ATP10B: variants seen among roughly 807,000 people sequenced by gnomAD.
The protein encoded by ATP10B is ATPase phospholipid transporting 10B (putative), also known as phospholipid-transporting ATPase VB.
A neutral mutation model predicts 141.2 loss-of-function variants in ATP10B; 122 were observed. The observed-to-expected ratio is 0.86, with a 90% CI of 0.75 to 1.00. The LOEUF is 1.00. Ranked by LOEUF, ATP10B falls within the 50% of genes least tolerant of loss-of-function variation. The pLI is 0.00. For missense variants in ATP10B, 1,876 were observed against 1,825.3 expected, an observed-to-expected ratio of 1.03 and a Z score of -0.51; for synonymous variants, 685 against 692.0, an observed-to-expected ratio of 0.99 and a Z score of 0.16.
At chr5:160,748,309 G>A (rs953947278) in intron 2 of ATP10B, among the ~76,000 whole-genome samples, 4 of 152,222 alleles carry the variant, frequency 2.6e-5, no homozygotes, top group East Asian at 1.9e-4. Flanking sequence ...TTAGACAGGC[G>A]GTATGCTCCC....
chr5:160,604,417 G>A (rs551371068), intron 19 of ATP10B, among the ~76,000 whole-genome samples: 1 of 152,166 alleles, frequency 6.6e-6, no homozygotes, highest in South Asian at 2.1e-4. Flanking sequence ...ACTTGGCAAG[G>A]GTAATTCCAC....
intron 6 of ATP10B, among the ~76,000 whole-genome samples, chr5:160,675,865 AG>A (rs1404637095): frequency 1.1e-3 from 15 of 13,770 alleles, no homozygotes; most frequent in East Asian, 6.1e-3. Flanking sequence ...CCAGAGAAGC[AG>A]GGGGGTGGGG....
intron 6 of ATP10B, among the ~76,000 whole-genome samples, chr5:160,681,355 T>C (rs1382683921): frequency 1.3e-5 from 2 of 152,256 alleles, no homozygotes; most frequent in African/African-American, 4.8e-5. Context: ...CTGAGGTCTA[T>C]ATGTTTAAAT....
chr5:160,726,630 CAG>C (rs398093845), intron 2 of ATP10B, among the ~76,000 whole-genome samples: 32,613 of 133,552 alleles, frequency 0.24, 4,653 homozygotes, highest in East Asian at 0.7. Flanking sequence ...AAAAGGGAAA[CAG>C]AGAGAGCAAG....
At chr5:160,727,603 T>C (rs910683760) in intron 2 of ATP10B, among the ~76,000 whole-genome samples, 1 of 152,096 alleles carries the variant, frequency 6.6e-6, no homozygotes, top group Non-Finnish European at 1.5e-5. Flanking sequence ...TTTAACAATG[T>C]TTTTTTAGGG....
At chr5:160,740,927 T>C (rs1168069073) in intron 2 of ATP10B, among the ~76,000 whole-genome samples, 1 of 152,200 alleles carries the variant, frequency 6.6e-6, no homozygotes, top group African/African-American at 2.4e-5. Flanking sequence ...TTAACTTGGC[T>C]CCCATCTCAA....
chr5:160,581,944 T>A (rs1376747023), intron 24 of ATP10B, among the ~76,000 whole-genome samples: 3 of 152,230 alleles, frequency 2.0e-5, no homozygotes, highest in African/African-American at 7.2e-5. Flanking sequence ...GTTTAAAGTC[T>A]GTTTTATCAG....
At chr5:160,730,126 C>A (rs1265124630) in intron 2 of ATP10B, among the ~76,000 whole-genome samples, 2 of 151,870 alleles carry the variant, frequency 1.3e-5, no homozygotes, top group African/African-American at 4.8e-5. Context: ...AGGCACTATG[C>A]ACGATGATTT....
the ATP10B span, among the ~76,000 whole-genome samples, chr5:160,927,175 CA>C: frequency 6.6e-6 from 1 of 152,146 alleles, no homozygotes; most frequent in South Asian, 2.1e-4. Flanking sequence ...GGCCTCTTCC[CA>C]TCTTAAAAAT....
At chr5:160,608,769 A>G (rs1393520138) in intron 18 of ATP10B, among the ~76,000 whole-genome samples, 1 of 151,894 alleles carries the variant, frequency 6.6e-6, no homozygotes, top group African/African-American at 2.4e-5. Context: ...CCACTTTTTG[A>G]TGGGGTTGTT....
chr5:160,669,355 T>A (rs181443147), intron 7 of ATP10B, among the ~76,000 whole-genome samples: 26 of 152,296 alleles, frequency 1.7e-4, no homozygotes, highest in Admixed American at 1.5e-3. Context: ...ACTATTTTTG[T>A]CCCCATTTTC....
At chr5:160,837,996 C>T (rs1775564780) in intron 1 of ATP10B, among the ~76,000 whole-genome samples, 1 of 152,156 alleles carries the variant, frequency 6.6e-6, no homozygotes, top group Non-Finnish European at 1.5e-5. Context: ...ATTAGGCAAT[C>T]TCTTACTCAT....
intron 2 of ATP10B, among the ~76,000 whole-genome samples, chr5:160,747,216 C>A (rs1390835360): frequency 6.6e-6 from 1 of 152,146 alleles, no homozygotes; most frequent in East Asian, 1.9e-4. Flanking sequence ...TTTTCTTATT[C>A]TAGAACCTAT....
At chr5:160,826,788 A>G (rs183963290) in intron 1 of ATP10B, among the ~76,000 whole-genome samples, 1 of 152,126 alleles carries the variant, frequency 6.6e-6, no homozygotes. Context: ...CCGCTCTAGG[A>G]GTGTCTGTCT....
intron 1 of ATP10B, among the ~76,000 whole-genome samples, chr5:160,827,791 C>T (rs1436695765): frequency 6.6e-6 from 1 of 152,138 alleles, no homozygotes; most frequent in East Asian, 1.9e-4. Context: ...CTGCATATGG[C>T]TAGCCAGTTA....
At chr5:160,837,462 T>A (rs888866650) in intron 1 of ATP10B, among the ~76,000 whole-genome samples, 1 of 152,172 alleles carries the variant, frequency 6.6e-6, no homozygotes, top group Non-Finnish European at 1.5e-5. Flanking sequence ...CATGTTAGTA[T>A]TTTTCTTCCT....
At chr5:160,808,374 G>T (rs1177858118) in intron 1 of ATP10B, among the ~76,000 whole-genome samples, 1 of 152,186 alleles carries the variant, frequency 6.6e-6, no homozygotes, top group Non-Finnish European at 1.5e-5. Context: ...AGCATGGCAA[G>T]TTGTCTCTGA....
At chr5:160,776,303 TC>T (rs1770306984) in intron 2 of ATP10B, among the ~76,000 whole-genome samples, 1 of 152,230 alleles carries the variant, frequency 6.6e-6, no homozygotes, top group Non-Finnish European at 1.5e-5. Flanking sequence ...CTACTTTTGG[TC>T]TTGGGCAAGT....
At chr5:160,798,833 C>G (rs1244457481) in intron 1 of ATP10B, among the ~76,000 whole-genome samples, 1 of 150,294 alleles carries the variant, frequency 6.7e-6, no homozygotes, top group Non-Finnish European at 1.5e-5. Flanking sequence ...TCACTGCAAC[C>G]TCTGCCTCCC....
Sources: allele counts gnomAD v4.1 joint callset (sites outside exome capture counted in the v4.1 genomes callset), GRCh38; gene constraint gnomAD v4.1.1; transcripts MANE v1.5; gene names NCBI Gene and HGNC (gene_info 2026-07-23, HGNC 2026-07-21).